The following PRDM5 variants were observed in gnomAD, a reference collection of about 807,000 sequenced individuals.
PRDM5 encodes PR domain zinc finger protein 5.
A neutral mutation model predicts 81.2 loss-of-function variants in PRDM5; 56 were observed. The observed-to-expected ratio is 0.69, with a 90% CI of 0.56 to 0.86. The LOEUF is 0.86. PRDM5 is among the 40% of genes least tolerant of loss of function. The probability of loss-of-function intolerance (pLI) is 0.00; values close to 1 mark genes in which losing one functional copy is unlikely to be tolerated. For synonymous variants in PRDM5, 267 were observed against 256.4 expected, an observed-to-expected ratio of 1.04 and a Z score of -0.39; for missense variants, 697 against 770.1, an observed-to-expected ratio of 0.91 and a Z score of 1.12.
intron 14 of PRDM5, among the ~76,000 whole-genome samples, chr4:120,714,966 A>G (rs558880493): frequency 3.6e-4 from 55 of 152,306 alleles, no homozygotes; most frequent in Admixed American, 1.6e-3. Context: ...AATTACTCCA[A>G]AACAGTTAAA....
chr4:120,796,356 C>G (rs1023814046), intron 10 of PRDM5, among the ~76,000 whole-genome samples: 1 of 152,188 alleles, frequency 6.6e-6, no homozygotes, highest in Admixed American at 6.5e-5. Context: ...TTGGAAATTA[C>G]AAGCATCATT....
At chr4:120,703,680 C>T (rs1412840405) in intron 15 of PRDM5, among the ~76,000 whole-genome samples, 1 of 152,066 alleles carries the variant, frequency 6.6e-6, no homozygotes, top group Non-Finnish European at 1.5e-5. Flanking sequence ...CACAGTCATG[C>T]TTTTAAGTAG....
At chr4:120,844,495 A>C (rs1278648211) in intron 3 of PRDM5, among the ~76,000 whole-genome samples, 2 of 152,110 alleles carry the variant, frequency 1.3e-5, no homozygotes, top group African/African-American at 4.8e-5. Flanking sequence ...TGTTAGGATA[A>C]CCTGTGATCA....
chr4:120,906,836 T>TA (rs900313853), intron 2 of PRDM5, among the ~76,000 whole-genome samples: 2 of 151,912 alleles, frequency 1.3e-5, no homozygotes, highest in South Asian at 2.1e-4. Context: ...AACTAGTAAA[T>TA]AAAAAAAATT....
intron 14 of PRDM5, among the ~76,000 whole-genome samples, chr4:120,751,551 A>G (rs970565209): frequency 1.3e-5 from 2 of 152,214 alleles, no homozygotes; most frequent in Non-Finnish European, 2.9e-5. Flanking sequence ...ATAGCAGACT[A>G]CAGATCTAAG....
chr4:120,843,630 G>A (rs1308081069), intron 3 of PRDM5, among the ~76,000 whole-genome samples: 1 of 150,852 alleles, frequency 6.6e-6, no homozygotes, highest in East Asian at 2.0e-4. Flanking sequence ...GATGGAGGCT[G>A]CAATGAGCCA....
intron 14 of PRDM5, among the ~76,000 whole-genome samples, chr4:120,721,664 G>C (rs1393620182): frequency 6.6e-6 from 1 of 152,206 alleles, no homozygotes; most frequent in Non-Finnish European, 1.5e-5. Context: ...ATTTGCTATG[G>C]TTATTCTCAC....
intron 15 of PRDM5, among the ~76,000 whole-genome samples, chr4:120,704,473 T>C (rs1735821822): frequency 6.6e-6 from 1 of 152,194 alleles, no homozygotes; most frequent in African/African-American, 2.4e-5. Flanking sequence ...ATATTTATTC[T>C]TACTCTAGAC....
chr4:120,711,557 G>A (rs1455918359), intron 14 of PRDM5, among the ~76,000 whole-genome samples: 1 of 151,006 alleles, frequency 6.6e-6, no homozygotes, highest in Non-Finnish European at 1.5e-5. Context: ...TTATCCACCT[G>A]CTTTGGCCTC....
chr4:120,734,885 G>A (rs1299434625), intron 14 of PRDM5, among the ~76,000 whole-genome samples: 3 of 152,106 alleles, frequency 2.0e-5, no homozygotes, highest in Non-Finnish European at 4.4e-5. Context: ...TACTTTCAGC[G>A]TGGTCTTTGC....
intron 2 of PRDM5, among the ~76,000 whole-genome samples, chr4:120,866,950 A>G (rs1286194506): frequency 6.6e-6 from 1 of 152,216 alleles, no homozygotes; most frequent in African/African-American, 2.4e-5. Flanking sequence ...TATAGAAGTT[A>G]AAGATATTAA....
chr4:120,738,405 C>T (rs1442440897), intron 14 of PRDM5, among the ~76,000 whole-genome samples: 1 of 152,116 alleles, frequency 6.6e-6, no homozygotes, highest in African/African-American at 2.4e-5. Context: ...AGGCCAATTA[C>T]TTAAAAGGAA....
At chr4:120,770,351 A>G (rs565866081) in intron 13 of PRDM5, among the ~76,000 whole-genome samples, 1 of 152,252 alleles carries the variant, frequency 6.6e-6, no homozygotes, top group South Asian at 2.1e-4. Context: ...TAAATATGAA[A>G]ATTTCAAACA....
intron 3 of PRDM5, among the ~76,000 whole-genome samples, chr4:120,852,660 C>CAT: frequency 6.6e-6 from 1 of 151,626 alleles, no homozygotes; most frequent in Non-Finnish European, 1.5e-5. Flanking sequence ...TTTATATATA[C>CAT]GTATATATAC....
intron 3 of PRDM5, among the ~76,000 whole-genome samples, chr4:120,832,388 C>A (rs141491811): frequency 1.6e-4 from 25 of 152,254 alleles, no homozygotes; most frequent in African/African-American, 5.5e-4. Context: ...ATTCCTCCCA[C>A]AGCACATGAG....
rs890126376 is a variant in PRDM5 at position 120,777,176 on chromosome 4, C to T, written c.1537+12G>A. ...AGTGGTTTTTTCACTAGTCTAATTACAATCTCCATACCTGTGTGGCTCCGG... is the reference window on the plus strand; with the variant it reads ...AGTGGTTTTTTCACTAGTCTAATTATAATCTCCATACCTGTGTGGCTCCGG... On this transcript the variant is annotated intron_variant, in intron 13 of 15. Coordinates refer to ENST00000264808, the MANE Select transcript of PRDM5 (RefSeq NM_018699.4). The T allele has an allele frequency of 1.2e-6, 2 of 1,613,156 alleles. No homozygotes were observed. Among genetic ancestry groups the T allele is most frequent in the Non-Finnish European group, 1.7e-6 (2 of 1,179,372 alleles).
intron 13 of PRDM5, among the ~76,000 whole-genome samples, chr4:120,775,860 C>A (rs889635364): frequency 2.6e-5 from 4 of 152,152 alleles, no homozygotes; most frequent in African/African-American, 9.7e-5. Flanking sequence ...AAGAGGGCTG[C>A]CCAGTGACAT....
In PRDM5 at chr4:120,821,252, C is replaced by A; in HGVS notation, c.394G>T (p.Glu132Ter). 3 of 1,614,040 alleles carry A rather than the reference C, an allele frequency of 1.9e-6. No individual in the cohort carries two copies. The highest frequency in any genetic ancestry group is 1.7e-6 in the Non-Finnish European group (2 of 1,179,946). Residue 132 changes from glutamate (E) to a stop codon, truncating the protein, a stop_gained, in exon 4 of 16, where the codon GAG (glutamate) becomes TAG (stop). Coordinates refer to ENST00000264808, the MANE Select transcript of PRDM5 (RefSeq NM_018699.4). LOFTEE classifies it high-confidence loss of function. ...GYLDSDMEAE[E>*]EEQQIMTVIK... Reference sequence around the variant, plus strand: ...ACTGTCATAATTTGCTGTTCTTCCTCCTCAGCCTCCATGTCACTATCCAGG... The same window carrying A: ...ACTGTCATAATTTGCTGTTCTTCCTACTCAGCCTCCATGTCACTATCCAGG...
chr4:120,754,673 A>C, intron 13 of PRDM5, 35 bp from the exon 14 acceptor site: 1 of 1,409,608 alleles, frequency 7.1e-7, no homozygotes, highest in Non-Finnish European at 1.0e-6. Context: ...TCAGAAAAAC[A>C]TGAAGTAGCA....
Sources: gnomAD v4.1 joint callset for allele counts (sites outside exome capture counted in the v4.1 genomes callset) on GRCh38, gnomAD v4.1.1 for gene constraint, MANE v1.5 for transcripts, NCBI Gene and HGNC (gene_info 2026-07-23, HGNC 2026-07-21) for gene names.